The following XPR1 variants were observed in gnomAD, a reference collection of about 807,000 sequenced individuals.
XPR1 encodes the protein solute carrier family 53 member 1.
XPR1 carries 28 observed loss-of-function variants against 87.5 expected under a neutral mutation model. The observed-to-expected ratio is 0.32, with a 90% CI of 0.24 to 0.44. The LOEUF (loss-of-function observed/expected upper bound fraction) is 0.44, where lower values mean the gene tolerates loss of function less well. XPR1 is among the 20% of genes least tolerant of loss of function. XPR1 has a pLI of 1.00. For missense variants in XPR1, 559 were observed against 862.3 expected (o/e 0.65, Z 4.41); for synonymous variants, 300 against 306.1 (o/e 0.98, Z 0.21).
intron 2 of XPR1, among the ~76,000 whole-genome samples, chr1:180,769,366 T>C (rs1032153197): frequency 7.3e-5 from 11 of 151,080 alleles, no homozygotes; most frequent in African/African-American, 2.7e-4. Flanking sequence ...ATTTCTGTTT[T>C]TTTGTGTTTT....
chr1:180,864,908 G>C (rs1652338383), intron 12 of XPR1, among the ~76,000 whole-genome samples: 1 of 152,196 alleles, frequency 6.6e-6, no homozygotes, highest in African/African-American at 2.4e-5. Context: ...TATGAGGTAA[G>C]TATGTTAAAC....
Position 180,787,669 on chromosome 1 carries a change from A to G in XPR1, c.122-84A>G, listed in dbSNP as rs970801357. 1.2e-5 allele frequency: 12 copies of G among 961,870 alleles called. No homozygotes were observed. In the African/African-American group the frequency reaches 1.7e-4, roughly 13 times the overall value. The allele number at this position is 961,870 out of a possible 1,614,324, so 59.6% of individuals were successfully genotyped here. Reference sequence around the variant, plus strand: ...ATAAAGTTGTCATTTTAAAAACTCAAAAAGTAATCTTAGTTTTTGTTTCCT... The same window carrying G: ...ATAAAGTTGTCATTTTAAAAACTCAGAAAGTAATCTTAGTTTTTGTTTCCT... On this transcript the variant is annotated intron_variant, in intron 2 of 14. Transcript: ENST00000367590.
intron 2 of XPR1, among the ~76,000 whole-genome samples, chr1:180,748,304 A>G (rs1172459343): frequency 6.6e-6 from 1 of 151,918 alleles, no homozygotes; most frequent in African/African-American, 2.4e-5. Context: ...AGAATTATAT[A>G]AGCTTATAAT....
At chr1:180,661,590 C>G (rs1655782354) in intron 1 of XPR1, among the ~76,000 whole-genome samples, 1 of 151,788 alleles carries the variant, frequency 6.6e-6, no homozygotes, top group South Asian at 2.1e-4. Context: ...TTTAAACTGA[C>G]TGGGTGTGGT....
At chr1:180,809,633 A>T (rs953983871) in intron 6 of XPR1, among the ~76,000 whole-genome samples, 4 of 152,136 alleles carry the variant, frequency 2.6e-5, no homozygotes, top group Non-Finnish European at 5.9e-5. Context: ...GCCTGTAGAG[A>T]TGGTAAAGCT....
chr1:180,702,654 A>G (rs1308573856), intron 2 of XPR1, among the ~76,000 whole-genome samples: 6 of 151,868 alleles, frequency 4.0e-5, no homozygotes, highest in Non-Finnish European at 7.4e-5. Context: ...TAAAAATGGT[A>G]TCTTTTTGTT....
At chr1:180,729,247 G>A (rs1182108006) in intron 2 of XPR1, among the ~76,000 whole-genome samples, 1 of 152,168 alleles carries the variant, frequency 6.6e-6, no homozygotes, top group African/African-American at 2.4e-5. Context: ...TACCATTGAT[G>A]GGCATTTAGG....
At chr1:180,714,999 T>C (rs988962550) in intron 2 of XPR1, among the ~76,000 whole-genome samples, 3 of 152,118 alleles carry the variant, frequency 2.0e-5, no homozygotes, top group Admixed American at 1.3e-4. Flanking sequence ...TGTGGGCTAA[T>C]TAAGAAAAAT....
At chr1:180,851,955 A>G (rs1391499447) in intron 11 of XPR1, among the ~76,000 whole-genome samples, 2 of 151,694 alleles carry the variant, frequency 1.3e-5, no homozygotes, top group Non-Finnish European at 2.9e-5. Flanking sequence ...GTTTTATTCA[A>G]CAAACATTTA....
intron 7 of XPR1, among the ~76,000 whole-genome samples, chr1:180,817,582 A>G (rs529558755): frequency 6.6e-6 from 1 of 152,246 alleles, no homozygotes; most frequent in African/African-American, 2.4e-5. Context: ...GTACAGTAAC[A>G]TGGTGGACAG....
chr1:180,888,897 T>C lies in XPR1; in HGVS notation c.*4831T>C, dbSNP rs1335673310. On this transcript the variant is annotated 3_prime_UTR_variant, in exon 15 of 15. Coordinates refer to ENST00000367590, the MANE Select transcript of XPR1 (RefSeq NM_004736.4). ...AACCAATGATCTAACCAGCATACTC[T>C]CCAAATATGAAAAAGTAAAAACATC... 6.6e-6 allele frequency: 1 copy of C among 152,142 alleles called. No homozygotes were observed. Among genetic ancestry groups the C allele is most frequent in the African/African-American group, 2.4e-5 (1 of 41,424 alleles). The allele number at this position is 152,142 out of a possible 1,614,324, so 9.4% of individuals were successfully genotyped here. A position where few individuals can be genotyped will look rare whatever the true frequency, so the allele number is the denominator to read the frequency against.
At chr1:180,680,638 C>T (rs1656544675) in intron 1 of XPR1, among the ~76,000 whole-genome samples, 1 of 152,124 alleles carries the variant, frequency 6.6e-6, no homozygotes. Context: ...GCTGGGATTG[C>T]AGGCGTGAGC....
intron 2 of XPR1, among the ~76,000 whole-genome samples, chr1:180,777,456 T>C (rs1648767581): frequency 6.6e-6 from 1 of 152,232 alleles, no homozygotes; most frequent in Non-Finnish European, 1.5e-5. Context: ...CTGTAGACTG[T>C]AATGTCAAAG....
intron 2 of XPR1, among the ~76,000 whole-genome samples, chr1:180,699,259 A>T: frequency 1.7e-5 from 2 of 117,708 alleles, no homozygotes; most frequent in African/African-American, 3.3e-5. Context: ...ACATGTGCAC[A>T]TTGTGCAGGT....
chr1:180,822,718 A>G (rs532858363), intron 7 of XPR1, among the ~76,000 whole-genome samples: 2 of 152,304 alleles, frequency 1.3e-5, no homozygotes, highest in South Asian at 4.1e-4. Flanking sequence ...TTCACATTTA[A>G]TCTTCTTAAT....
chr1:180,726,184 G>A (rs1481858899), intron 2 of XPR1, among the ~76,000 whole-genome samples: 1 of 152,108 alleles, frequency 6.6e-6, no homozygotes, highest in Non-Finnish European at 1.5e-5. Flanking sequence ...TCTAGCTAAA[G>A]GTTTGTAAAT....
At chr1:180,642,633 A>G (rs1251295680) in intron 1 of XPR1, among the ~76,000 whole-genome samples, 3 of 152,180 alleles carry the variant, frequency 2.0e-5, no homozygotes, top group Non-Finnish European at 2.9e-5. Context: ...AGACACAGGT[A>G]TGACACAGAT....
chr1:180,725,502 C>T (rs1042214095), intron 2 of XPR1, among the ~76,000 whole-genome samples: 1 of 152,198 alleles, frequency 6.6e-6, no homozygotes, highest in African/African-American at 2.4e-5. Context: ...CCAAACCTTT[C>T]TAGTATTGTT....
intron 2 of XPR1, among the ~76,000 whole-genome samples, chr1:180,695,450 GCACGCGCGCGC>G (rs1441447461): frequency 2.1e-5 from 3 of 141,880 alleles, no homozygotes; most frequent in Admixed American, 1.5e-4. Flanking sequence ...GTATGCGCGC[GCACGCGCGCGC>G]TTTTGTTGCC....
Sources: gnomAD v4.1 joint callset for allele counts (sites outside exome capture counted in the v4.1 genomes callset) on GRCh38, gnomAD v4.1.1 for gene constraint, MANE v1.5 for transcripts, NCBI Gene and HGNC (gene_info 2026-07-23, HGNC 2026-07-21) for gene names.